Variants in SHISA9 observed in about 807,000 individuals in gnomAD.
The protein encoded by SHISA9 is protein shisa-9.
A neutral mutation model predicts 38.0 loss-of-function variants in SHISA9; 13 were observed. The ratio of observed to expected loss-of-function variants is 0.34; its 90% CI spans 0.22 to 0.54. The LOEUF is 0.54. Ranked by LOEUF, SHISA9 falls within the 20% of genes least tolerant of loss-of-function variation. The pLI is 0.91. For synonymous variants in SHISA9, 275 were observed against 242.0 expected, an observed-to-expected ratio of 1.14 and a Z score of -1.27; for missense variants, 538 against 575.8, an observed-to-expected ratio of 0.93 and a Z score of 0.67.
chr16:13,387,782 C>A, the SHISA9 span, among the ~76,000 whole-genome samples: 1 of 152,196 alleles, frequency 6.6e-6, no homozygotes, highest in Admixed American at 6.5e-5. Flanking sequence ...GCCACCACAC[C>A]TGGCCTGCAT....
rs570320728 is a variant in SHISA9, at chr16:13,185,293, C to T, written c.692-18101C>T. 6.6e-5 allele frequency among the ~76,000 whole-genome samples: 10 copies of T among 152,256 alleles called. No homozygotes were observed. The South Asian group carries it at 2.1e-3, about 32-fold the overall frequency. On this transcript the variant is annotated intron_variant, in intron 2 of 4. Transcript: ENST00000558583. ...CATAGTTCATTGTAGCATCAAACTC[C>T]TGGGCTTAAGTGATCTTCCTGCCTC...
rs955565255 is a variant in SHISA9, at chr16:13,069,379, C to T, written c.692-134015C>T. On this transcript the variant is annotated intron_variant, in intron 2 of 4. Coordinates refer to ENST00000558583, the MANE Select transcript of SHISA9 (RefSeq NM_001145204.3). ...ATATGTGCATGTGTACGTGTGTGTA[C>T]ATGCAATGTGTATGTGTGTACATAC... Among the ~76,000 whole-genome samples the T allele has an allele frequency of 1.0e-3, 158 of 152,074 alleles. 2 individuals are homozygous for T. The highest frequency in any genetic ancestry group is 1.8e-3 in the Non-Finnish European group (120 of 67,988).
chr16:13,213,190 G>T, intron 3 of SHISA9, 63 bp from the exon 4 acceptor site: 1 of 1,443,910 alleles, frequency 6.9e-7, no homozygotes, highest in Non-Finnish European at 9.5e-7. Context: ...GGGTGTGAGG[G>T]CATAGTGAAC....
At chr16:12,930,630 T>C (rs2071450152) in intron 2 of SHISA9, among the ~76,000 whole-genome samples, 1 of 152,204 alleles carries the variant, frequency 6.6e-6, no homozygotes, top group Non-Finnish European at 1.5e-5. Context: ...GTGTTTAATA[T>C]TTATGACATG....
chr16:13,063,302 G>A (rs1371596904), intron 2 of SHISA9, among the ~76,000 whole-genome samples: 1 of 152,018 alleles, frequency 6.6e-6, no homozygotes, highest in Non-Finnish European at 1.5e-5. Flanking sequence ...CACTGCACCT[G>A]GCCCTCAGTT....
At chr16:13,108,839 T>C (rs1418398767) in intron 2 of SHISA9, among the ~76,000 whole-genome samples, 2 of 152,158 alleles carry the variant, frequency 1.3e-5, no homozygotes, top group Non-Finnish European at 2.9e-5. Flanking sequence ...AGCCCCAAGT[T>C]GAGTACAGTA....
the SHISA9 span, among the ~76,000 whole-genome samples, chr16:13,329,636 C>G: frequency 9.9e-5 from 15 of 152,262 alleles, no homozygotes; most frequent in East Asian, 2.9e-3. Context: ...GTGAGTTTCC[C>G]TTTGCCCTCT....
intron 2 of SHISA9, among the ~76,000 whole-genome samples, chr16:13,162,070 C>T (rs2050599601): frequency 6.6e-6 from 1 of 152,008 alleles, no homozygotes; most frequent in Non-Finnish European, 1.5e-5. Flanking sequence ...AGAGGTGGAC[C>T]TAGGATGTGG....
At chr16:12,986,562 G>A (rs1159736931) in intron 2 of SHISA9, among the ~76,000 whole-genome samples, 1 of 152,184 alleles carries the variant, frequency 6.6e-6, no homozygotes, top group African/African-American at 2.4e-5. Flanking sequence ...GAGCTCGGAG[G>A]TCTTTTCAGA....
chr16:13,453,152 T>C, the SHISA9 span, among the ~76,000 whole-genome samples: 11 of 152,194 alleles, frequency 7.2e-5, no homozygotes, highest in South Asian at 2.1e-4. Flanking sequence ...CCTCCCAAAG[T>C]GCTGGGATTA....
At chr16:13,070,208 CCCT>C (rs149670510) in intron 2 of SHISA9, among the ~76,000 whole-genome samples, 1,876 of 152,076 alleles carry the variant, frequency 0.012, 33 homozygotes, top group African/African-American at 0.041. Flanking sequence ...CTCCTCTTCT[CCCT>C]CCTCCCATCC....
intron 2 of SHISA9, among the ~76,000 whole-genome samples, chr16:13,076,727 A>G (rs564012203): frequency 1.4e-4 from 21 of 152,310 alleles, no homozygotes; most frequent in Non-Finnish European, 2.4e-4. Context: ...GACATCGGCA[A>G]TAGCCTCTTG....
chr16:12,908,038 G>T (rs1053876208), intron 1 of SHISA9, among the ~76,000 whole-genome samples: 3 of 152,218 alleles, frequency 2.0e-5, no homozygotes, highest in African/African-American at 7.2e-5. Flanking sequence ...CCTTGGGAAG[G>T]TTGCTTCACC....
intron 2 of SHISA9, among the ~76,000 whole-genome samples, chr16:13,121,629 T>A (rs2050211499): frequency 6.6e-6 from 1 of 152,178 alleles, no homozygotes; most frequent in Admixed American, 6.5e-5. Flanking sequence ...TAATTATTCT[T>A]AATATACCTT....
At chr16:13,462,604 G>T in the SHISA9 span, among the ~76,000 whole-genome samples, 1 of 152,000 alleles carries the variant, frequency 6.6e-6, no homozygotes, top group African/African-American at 2.4e-5. Context: ...CAGGCAGATG[G>T]CTTTGAGGTC....
chr16:13,435,824 C>G, the SHISA9 span, among the ~76,000 whole-genome samples: 8 of 152,120 alleles, frequency 5.3e-5, no homozygotes, highest in African/African-American at 1.9e-4. Flanking sequence ...GGATAGGAAG[C>G]AAGGTGGTCT....
At chr16:13,520,443 C>G in the SHISA9 span, among the ~76,000 whole-genome samples, 1 of 145,998 alleles carries the variant, frequency 6.8e-6, no homozygotes, top group South Asian at 2.2e-4. Flanking sequence ...ACTAAAAATA[C>G]AAAAAAAAAA....
At chr16:13,425,411 C>T in the SHISA9 span, among the ~76,000 whole-genome samples, 3 of 152,218 alleles carry the variant, frequency 2.0e-5, no homozygotes, top group East Asian at 3.8e-4. Context: ...TGCTTGAACC[C>T]AGGAGGTGTA....
intron 2 of SHISA9, among the ~76,000 whole-genome samples, chr16:13,118,582 A>G (rs2074053699): frequency 6.6e-6 from 1 of 152,138 alleles, no homozygotes; most frequent in Admixed American, 6.5e-5. Flanking sequence ...ACAGATTTTG[A>G]GTAAGTGAGT....
Sources: gnomAD v4.1 joint callset for allele counts (sites outside exome capture counted in the v4.1 genomes callset) on GRCh38, gnomAD v4.1.1 for gene constraint, MANE v1.5 for transcripts, NCBI Gene and HGNC (gene_info 2026-07-23, HGNC 2026-07-21) for gene names.